The following SUFU variants were observed in gnomAD, a reference collection of about 807,000 sequenced individuals.
SUFU encodes the protein suppressor of fused homolog.
SUFU carries 7 observed loss-of-function variants against 58.9 expected under a neutral mutation model. That is an observed-to-expected ratio of 0.12 (90% CI 0.07 to 0.22). SUFU has a LOEUF of 0.22. SUFU is among the 10% of genes least tolerant of loss of function. The pLI, the probability that SUFU is intolerant of heterozygous loss-of-function variation, is 1.00. For synonymous variants in SUFU, 232 were observed against 254.8 expected, an observed-to-expected ratio of 0.91 and a Z score of 0.85; for missense variants, 451 against 641.3, an observed-to-expected ratio of 0.70 and a Z score of 3.20.
At chr10:102,604,920 C>CTTTTTTTTTTTTTTTTTTTTTTTTT (rs769490548) in intron 8 of SUFU, among the ~76,000 whole-genome samples, 1 of 86,434 alleles carries the variant, frequency 1.2e-5, no homozygotes, top group Non-Finnish European at 2.2e-5. Context: ...AAAATATTGC[C>CTTTTTTTTTTTTTTTTTTTTTTTTT]TTTTTTTTTT....
At chr10:102,590,597 G>C (rs2063389567) in intron 3 of SUFU, among the ~76,000 whole-genome samples, 1 of 151,768 alleles carries the variant, frequency 6.6e-6, no homozygotes, top group Admixed American at 6.6e-5. Context: ...TTCATATCAT[G>C]GTAATACTGG....
intron 3 of SUFU, among the ~76,000 whole-genome samples, chr10:102,559,816 T>C (rs1210486662): frequency 2.0e-5 from 3 of 152,228 alleles, no homozygotes; most frequent in African/African-American, 7.2e-5. Flanking sequence ...TGGTAGGCTT[T>C]AACCACAAAT....
intron 2 of SUFU, among the ~76,000 whole-genome samples, chr10:102,541,184 G>A (rs1564672557): frequency 6.6e-6 from 1 of 152,016 alleles, no homozygotes. Context: ...GTATGTGAAA[G>A]CATTATCACG....
intron 2 of SUFU, among the ~76,000 whole-genome samples, chr10:102,511,821 C>T (rs902386689): frequency 6.6e-6 from 1 of 152,102 alleles, no homozygotes; most frequent in African/African-American, 2.4e-5. Context: ...AGCAATTATC[C>T]CACCTTAACC....
chr10:102,531,405 C>T (rs973401892), intron 2 of SUFU, among the ~76,000 whole-genome samples: 51 of 152,208 alleles, frequency 3.4e-4, no homozygotes, highest in African/African-American at 1.2e-3. Flanking sequence ...AGCCTCATTA[C>T]TCCCATCGCC....
chr10:102,528,872 C>T (rs1470431910), intron 2 of SUFU, among the ~76,000 whole-genome samples: 1 of 151,844 alleles, frequency 6.6e-6, no homozygotes, highest in Non-Finnish European at 1.5e-5. Flanking sequence ...AGAGTTGCAA[C>T]TCAAAGGTGG....
In SUFU at chr10:102,550,995, C is replaced by T. The variant is rs940185713; in HGVS notation, c.454+889C>T. Among the ~76,000 whole-genome samples the T allele has an allele frequency of 9.2e-5, 14 of 152,188 alleles. No homozygotes were observed. The East Asian group carries it at 9.7e-4, about 11-fold the overall frequency. On this transcript the variant is annotated intron_variant, in intron 3 of 11. Coordinates refer to ENST00000369902, the MANE Select transcript of SUFU (RefSeq NM_016169.4). ...CTGACCTCAGGTGATCTGCCCGCCT[C>T]GCCTCCCAAAGTGCTGGGATTGTAG...
rs373807935 is a variant in SUFU at position 102,572,964 on chromosome 10, C to G, written c.455-19618C>G. 5 of 1,302,848 alleles carry G rather than the reference C, an allele frequency of 3.8e-6. No individual in the cohort carries two copies. In the South Asian group the frequency reaches 4.7e-5, roughly 12 times the overall value. 80.7% of individuals were successfully genotyped at this position (1,302,848 alleles called of 1,614,324 possible). A position where few individuals can be genotyped will look rare whatever the true frequency, so the allele number is the denominator to read the frequency against. On this transcript the variant is annotated intron_variant, in intron 3 of 11. Coordinates refer to ENST00000369902, the MANE Select transcript of SUFU (RefSeq NM_016169.4). ...CAAGTGTGTTGTTGTCTTCTATCTT[C>G]TTCATGGCAGACTCAGTGGTCAGTG...
At chr10:102,540,042 A>G (rs909615157) in intron 2 of SUFU, among the ~76,000 whole-genome samples, 1 of 152,088 alleles carries the variant, frequency 6.6e-6, no homozygotes, top group Non-Finnish European at 1.5e-5. Context: ...GCTTCTCTCT[A>G]CTTTTGGCAT....
intron 3 of SUFU, among the ~76,000 whole-genome samples, chr10:102,565,788 T>C (rs1188056956): frequency 2.6e-5 from 4 of 152,108 alleles, no homozygotes; most frequent in Non-Finnish European, 5.9e-5. Flanking sequence ...CCTCGTGATC[T>C]ACCCGCCTCG....
chr10:102,590,131 C>A (rs895838932), intron 3 of SUFU, among the ~76,000 whole-genome samples: 1 of 149,582 alleles, frequency 6.7e-6, no homozygotes, highest in Non-Finnish European at 1.5e-5. Context: ...CACCTCCCCC[C>A]CGACTTTTTC....
chr10:102,605,181 T>TA (rs2063551858), intron 8 of SUFU, among the ~76,000 whole-genome samples: 3 of 151,782 alleles, frequency 2.0e-5, no homozygotes, highest in African/African-American at 7.2e-5. Context: ...CCTCCCAAAG[T>TA]GCTGGGATTA....
rs1373529150 is a variant in SUFU, at chr10:102,628,151, G to A, written c.1365+908G>A. Reference sequence around the variant, plus strand: ...AGGGGCCAGGCTTTCTACCAAGAGGGAGGCCAGGCGGGAGCTAGGTTCCAG... The same window carrying A: ...AGGGGCCAGGCTTTCTACCAAGAGGAAGGCCAGGCGGGAGCTAGGTTCCAG... On this transcript the variant is annotated intron_variant, in intron 11 of 11. Coordinates refer to ENST00000369902, the MANE Select transcript of SUFU (RefSeq NM_016169.4). The surrounding 1 kb of genome is among the most constrained non-coding windows in gnomAD (Gnocchi z 4.5). 6.6e-6 allele frequency among the ~76,000 whole-genome samples: 1 copy of A among 152,190 alleles called. No individual in the cohort carries two copies. Among genetic ancestry groups the A allele is most frequent in the Non-Finnish European group, 1.5e-5 (1 of 68,026 alleles).
chr10:102,591,969 C>T (rs2063407172), intron 3 of SUFU, among the ~76,000 whole-genome samples: 1 of 152,218 alleles, frequency 6.6e-6, no homozygotes, highest in African/African-American at 2.4e-5. Flanking sequence ...CCTGAGGATC[C>T]TCATGAGTTG....
chr10:102,528,594 A>G (rs1045465464), intron 2 of SUFU, among the ~76,000 whole-genome samples: 3 of 152,140 alleles, frequency 2.0e-5, no homozygotes, highest in African/African-American at 7.2e-5. Flanking sequence ...AATAAAATTC[A>G]GTGTCTTATT....
intron 3 of SUFU, among the ~76,000 whole-genome samples, chr10:102,552,080 G>A (rs1335009220): frequency 6.6e-6 from 1 of 151,942 alleles, no homozygotes; most frequent in African/African-American, 2.4e-5. Flanking sequence ...CAACTATGTA[G>A]CATTTTCCCA....
intron 3 of SUFU, among the ~76,000 whole-genome samples, chr10:102,588,407 A>C (rs2063358542): frequency 2.6e-5 from 4 of 151,920 alleles, no homozygotes; most frequent in Middle Eastern, 3.4e-3. Context: ...AAAAAAAAAA[A>C]AGAAAAGTAA....
At chr10:102,615,534 G>T in intron 9 of SUFU, 132 bp downstream of exon 9, 1 of 1,356,438 alleles carries the variant, frequency 7.4e-7, no homozygotes, top group Non-Finnish European at 1.0e-6. Context: ...CACCAGGCCC[G>T]TGCTTCCCGT....
chr10:102,599,191 C>T (rs2063492242), intron 7 of SUFU, among the ~76,000 whole-genome samples: 1 of 152,178 alleles, frequency 6.6e-6, no homozygotes, highest in Non-Finnish European at 1.5e-5. Flanking sequence ...CTTCTGAACT[C>T]TAGAGGCTGC....
Sources: allele counts gnomAD v4.1 joint callset (sites outside exome capture counted in the v4.1 genomes callset), GRCh38; gene constraint gnomAD v4.1.1; non-coding constraint Gnocchi (gnomAD v3.1); transcripts MANE v1.5; gene names NCBI Gene and HGNC (gene_info 2026-07-23, HGNC 2026-07-21).